The following ANKRD42 variants were observed in gnomAD, a reference collection of about 807,000 sequenced individuals.
ANKRD42 encodes the protein ankyrin repeat domain-containing protein 42.
A neutral mutation model predicts 51.5 loss-of-function variants in ANKRD42; 43 were observed. The observed-to-expected ratio is 0.83, with a 90% CI of 0.65 to 1.08. ANKRD42 has a LOEUF of 1.08. Ranked by LOEUF, ANKRD42 falls within the 50% of genes least tolerant of loss-of-function variation. The pLI, the probability that ANKRD42 is intolerant of heterozygous loss-of-function variation, is 0.00. For synonymous variants in ANKRD42, 203 were observed against 213.0 expected, an observed-to-expected ratio of 0.95 and a Z score of 0.41; for missense variants, 608 against 629.3, an observed-to-expected ratio of 0.97 and a Z score of 0.36.
chr11:83,209,295 A>T, intron 3 of ANKRD42: 1 of 703,070 alleles, frequency 1.4e-6, no homozygotes, highest in Non-Finnish European at 2.6e-6. Context: ...CTTCTAGGCA[A>T]TGTTAAAACA....
chr11:83,245,695 C>T (rs574715594), intron 10 of ANKRD42, 71 bp downstream of exon 10: 19 of 1,437,356 alleles, frequency 1.3e-5, no homozygotes, highest in East Asian at 7.5e-5. Flanking sequence ...GTTTGTTGAT[C>T]AGCAACTTTT....
In ANKRD42 at chr11:83,240,783, G is replaced by A; in HGVS notation, c.1044G>A (p.Lys348=). The change falls in exon 9 of 11, where the codon AAG becomes AAA. Residue 348 remains lysine, a synonymous_variant. Coordinates refer to ENST00000533342, the MANE Select transcript of ANKRD42 (RefSeq NM_001300975.2). ...AKRFAHLAAV[K]LLEELQKYDI... ...GGTTTGCCCATTTGGCAGCAGTGAA[G>A]CTGTTAGAGGAGCTACAGAAATATG... is the stretch of plus-strand genomic sequence containing the variant. The A allele has an allele frequency of 6.2e-7, 1 of 1,614,010 alleles. No homozygotes were observed. Among genetic ancestry groups the A allele is most frequent in the Non-Finnish European group, 8.5e-7 (1 of 1,179,972 alleles).
intron 6 of ANKRD42, among the ~76,000 whole-genome samples, chr11:83,225,905 C>T (rs1439833834): frequency 1.3e-5 from 2 of 150,638 alleles, no homozygotes; most frequent in Non-Finnish European, 2.9e-5. Flanking sequence ...ATTTTTCATT[C>T]CATTCTGTGG....
chr11:83,236,361 T>A, intron 7 of ANKRD42, 43 bp from the exon 8 acceptor site: 6 of 1,529,594 alleles, frequency 3.9e-6, no homozygotes, highest in Non-Finnish European at 4.4e-6. Context: ...AATAACTAAC[T>A]TTTTTGTGTG....
chr11:83,232,136 G>A (rs1373527006), intron 7 of ANKRD42, among the ~76,000 whole-genome samples: 1 of 138,726 alleles, frequency 7.2e-6, no homozygotes, highest in Non-Finnish European at 1.5e-5. Flanking sequence ...CGTGCAGAAT[G>A]TCATTGGTAT....
intron 3 of ANKRD42, chr11:83,209,301 A>T: frequency 2.7e-6 from 2 of 734,970 alleles, no homozygotes. Flanking sequence ...GGCAATGTTA[A>T]AACATTTTCT....
At chr11:83,196,138 G>A (rs1565172651) in intron 1 of ANKRD42, among the ~76,000 whole-genome samples, 2 of 152,018 alleles carry the variant, frequency 1.3e-5, no homozygotes, top group African/African-American at 4.8e-5. Context: ...CACCGCGCCC[G>A]GCCAATCAAC....
Position 83,254,886 on chromosome 11 carries a change from C to T in ANKRD42, c.1465-959C>T, listed in dbSNP as rs557791645. Among the ~76,000 whole-genome samples, 17 of 152,300 alleles carry T rather than the reference C, an allele frequency of 1.1e-4. No individual in the cohort carries two copies. In the South Asian group the frequency reaches 3.5e-3, roughly 32 times the overall value. On this transcript the variant is annotated intron_variant, in intron 11 of 11. Coordinates refer to the ANKRD42 transcript ENST00000260047. Reference sequence around the variant, plus strand: ...GACCATCTGTATTACCCTATGCCCACAAACACCTGGCCACTGTAAGAGAAA... The same window carrying T: ...GACCATCTGTATTACCCTATGCCCATAAACACCTGGCCACTGTAAGAGAAA...
rs1161537581 is a variant in ANKRD42, at chr11:83,194,017, C to T, written c.-654C>T. 2 of 456,516 alleles carry T rather than the reference C, an allele frequency of 4.4e-6. No homozygotes were observed. The highest frequency in any genetic ancestry group is 4.4e-6 in the Non-Finnish European group (1 of 226,796). The allele number at this position is 456,516 out of a possible 1,614,324, so 28.3% of individuals were successfully genotyped here. A position where few individuals can be genotyped will look rare whatever the true frequency, so the allele number is the denominator to read the frequency against. On this transcript the variant is annotated 5_prime_UTR_variant, in exon 1 of 11. Transcript: ENST00000533342. ...CCTAAGTGCAGACGCCGGCTTCTCCCGCAGTGACTTGAGAAGGGTCAGTGA... is the reference window on the plus strand; with the variant it reads ...CCTAAGTGCAGACGCCGGCTTCTCCTGCAGTGACTTGAGAAGGGTCAGTGA...
At chr11:83,257,511 A>C (rs571631080), downstream of ANKRD42, among the ~76,000 whole-genome samples, 3 of 152,186 alleles carry the variant, frequency 2.0e-5, no homozygotes, top group Non-Finnish European at 4.4e-5. Context: ...GCCCTTAACT[A>C]TCTCTTAATT....
downstream of ANKRD42, among the ~76,000 whole-genome samples, chr11:83,262,852 G>A (rs1864008428): frequency 6.6e-6 from 1 of 152,154 alleles, no homozygotes. Context: ...ATAACACTAA[G>A]AGTTTCTTGT....
intron 11 of ANKRD42, among the ~76,000 whole-genome samples, chr11:83,255,071 G>C (rs942386739): frequency 6.6e-6 from 1 of 152,226 alleles, no homozygotes; most frequent in Non-Finnish European, 1.5e-5. Context: ...GGTGTGGGCA[G>C]GAACACCTTG....
chr11:83,263,153 TGAAA>T (rs1354926545), downstream of ANKRD42, among the ~76,000 whole-genome samples: 1 of 152,174 alleles, frequency 6.6e-6, no homozygotes, highest in African/African-American at 2.4e-5. Flanking sequence ...CTGTGACACT[TGAAA>T]GACTCAATCT....
chr11:83,243,796 G>C (rs1034197205), intron 9 of ANKRD42, among the ~76,000 whole-genome samples: 1 of 151,622 alleles, frequency 6.6e-6, no homozygotes, highest in Non-Finnish European at 1.5e-5. Context: ...TGAGTAGCTG[G>C]GACTACAGGC....
rs1270194738 is a variant in ANKRD42 at position 83,194,559 on chromosome 11, C to G, written c.-112C>G. 1 of 1,055,254 alleles carries G rather than the reference C, an allele frequency of 9.5e-7. No homozygotes were observed. Among genetic ancestry groups the G allele is most frequent in the South Asian group, 1.3e-5 (1 of 77,532 alleles). 65.4% of individuals were successfully genotyped at this position (1,055,254 alleles called of 1,614,324 possible). A position where few individuals can be genotyped will look rare whatever the true frequency, so the allele number is the denominator to read the frequency against. ...ACCTTGGGCCCCGTCCTAGTGACGA[C>G]GGAGAAGAGGGCCGCTGCCGCTGCA... On this transcript the variant is annotated 5_prime_UTR_variant, in exon 1 of 11. Transcript: ENST00000533342.
chr11:83,230,672 T>C (rs1387475826), intron 7 of ANKRD42, among the ~76,000 whole-genome samples: 1 of 151,918 alleles, frequency 6.6e-6, no homozygotes, highest in Non-Finnish European at 1.5e-5. Flanking sequence ...CCGCAACCTA[T>C]TTCTCCTGGG....
At chr11:83,243,970 T>C (rs1393067848) in intron 9 of ANKRD42, among the ~76,000 whole-genome samples, 1 of 50,060 alleles carries the variant, frequency 2.0e-5, no homozygotes, top group African/African-American at 7.4e-5. Context: ...GGCTGCCCTT[T>C]TTTTTTTTTT....
intron 2 of ANKRD42, among the ~76,000 whole-genome samples, chr11:83,201,343 TGGCTGCATG>T (rs912401074): frequency 2.6e-5 from 4 of 152,252 alleles, no homozygotes; most frequent in Admixed American, 6.5e-5. Flanking sequence ...TCTTTTTTTA[TGGCTGCATG>T]GTATTCCATG....
chr11:83,213,148 G>T (rs1366319552), intron 5 of ANKRD42: 1 of 1,601,740 alleles, frequency 6.2e-7, no homozygotes, highest in South Asian at 1.1e-5. Flanking sequence ...TTCGTAGAAG[G>T]TTCAAGGACC....
Sources: gnomAD v4.1 joint callset for allele counts (sites outside exome capture counted in the v4.1 genomes callset) on GRCh38, gnomAD v4.1.1 for gene constraint, MANE v1.5 for transcripts, NCBI Gene and HGNC (gene_info 2026-07-23, HGNC 2026-07-21) for gene names.